The following EPHA6 variants were observed in gnomAD, a reference collection of about 807,000 sequenced individuals.
EPHA6 encodes EPH receptor A6.
Under a neutral mutation model 112.0 loss-of-function variants are expected in EPHA6, and 50 were observed. The observed-to-expected ratio is 0.45, with a 90% CI of 0.36 to 0.56. EPHA6 has a LOEUF of 0.56. Among genes scored for constraint, EPHA6 ranks in the 20% least tolerant of loss-of-function variants. EPHA6 has a pLI of 0.00. For missense variants in EPHA6, 1,280 were observed against 1,417.4 expected (o/e 0.90, Z 1.56); for synonymous variants, 529 against 490.7 (o/e 1.08, Z -1.03).
At chr3:97,014,380 C>T (rs2044196368) in intron 3 of EPHA6, among the ~76,000 whole-genome samples, 1 of 150,964 alleles carries the variant, frequency 6.6e-6, no homozygotes, top group African/African-American at 2.4e-5. Context: ...CTTCATTTCT[C>T]CCTTTTTCTT....
chr3:96,988,943 C>T (rs1576264562), intron 3 of EPHA6, among the ~76,000 whole-genome samples: 1 of 151,396 alleles, frequency 6.6e-6, no homozygotes, highest in East Asian at 1.9e-4. Context: ...TTTTATATAC[C>T]CCCTAATAAA....
At chr3:97,398,629 A>G (rs957697783) in intron 5 of EPHA6, among the ~76,000 whole-genome samples, 3 of 151,472 alleles carry the variant, frequency 2.0e-5, no homozygotes, top group African/African-American at 7.2e-5. Context: ...TATGGTTGCT[A>G]CATAAAGAAC....
chr3:96,944,166 A>G (rs2041129702), intron 2 of EPHA6, among the ~76,000 whole-genome samples: 1 of 151,936 alleles, frequency 6.6e-6, no homozygotes, highest in African/African-American at 2.4e-5. Context: ...TTGTCCCACC[A>G]CTCCACCAAA....
At chr3:96,930,762 T>C (rs572416802) in intron 2 of EPHA6, among the ~76,000 whole-genome samples, 84 of 151,624 alleles carry the variant, frequency 5.5e-4, no homozygotes, top group African/African-American at 1.9e-3. Flanking sequence ...GAGGCTGAGG[T>C]GGGCAGATCA....
chr3:97,224,024 A>G (rs777860656), intron 3 of EPHA6, among the ~76,000 whole-genome samples: 8 of 152,092 alleles, frequency 5.3e-5, no homozygotes, highest in Non-Finnish European at 8.8e-5. Context: ...GATTTCAAAT[A>G]CTTCGAGAAA....
intron 3 of EPHA6, among the ~76,000 whole-genome samples, chr3:97,182,155 A>G (rs16838434): frequency 0.028 from 4,193 of 151,872 alleles, 188 homozygotes; most frequent in African/African-American, 0.092. Flanking sequence ...CACTACATTT[A>G]TTTTTCTCAT....
At chr3:97,186,187 A>G (rs1390369760) in intron 3 of EPHA6, among the ~76,000 whole-genome samples, 1 of 147,520 alleles carries the variant, frequency 6.8e-6, no homozygotes, top group African/African-American at 2.7e-5. Context: ...CGTTGTGCAC[A>G]TGTACCCTAA....
intron 3 of EPHA6, among the ~76,000 whole-genome samples, chr3:97,068,412 A>T (rs2051611869): frequency 6.6e-6 from 1 of 152,084 alleles, no homozygotes; most frequent in South Asian, 2.1e-4. Context: ...AGATGGGACT[A>T]TGATAATGGA....
chr3:97,000,262 AACACAC>A (rs368625563), intron 3 of EPHA6, among the ~76,000 whole-genome samples: 30 of 140,478 alleles, frequency 2.1e-4, no homozygotes, highest in East Asian at 4.2e-4. Flanking sequence ...TGTATGTATA[AACACAC>A]ACACACACAC....
At chr3:96,913,216 C>A (rs1382306031) in intron 2 of EPHA6, among the ~76,000 whole-genome samples, 1 of 128,678 alleles carries the variant, frequency 7.8e-6, no homozygotes, top group Admixed American at 1.1e-4. Flanking sequence ...ACACACACCA[C>A]ACACACGGGC....
intron 13 of EPHA6, among the ~76,000 whole-genome samples, chr3:97,621,074 T>C (rs991128390): frequency 6.6e-6 from 1 of 152,080 alleles, no homozygotes; most frequent in Non-Finnish European, 1.5e-5. Context: ...CATGGAATAC[T>C]ATGCAGTCGT....
Position 97,372,366 on chromosome 3 carries a change from C to A in EPHA6, c.1607-32784C>A, listed in dbSNP as rs547152847. ...TGGGGAGCATGTCAATTTGTACAGT[C>A]CCTTTGGTGAGCAAGTTAATACGAA... On this transcript the variant is annotated intron_variant, in intron 5 of 17. Transcript: ENST00000389672. 2.6e-5 allele frequency among the ~76,000 whole-genome samples: 4 copies of A among 152,238 alleles called. No individual in the cohort carries two copies. In the South Asian group the frequency reaches 6.2e-4, roughly 24 times the overall value.
intron 5 of EPHA6, among the ~76,000 whole-genome samples, chr3:97,327,518 T>A (rs1163000745): frequency 6.6e-6 from 1 of 151,858 alleles, no homozygotes; most frequent in Non-Finnish European, 1.5e-5. Context: ...TATGCTAAGC[T>A]TTATAAAATT....
chr3:96,946,406 T>C (rs1307915201), intron 2 of EPHA6, among the ~76,000 whole-genome samples: 3 of 151,226 alleles, frequency 2.0e-5, no homozygotes, highest in Non-Finnish European at 4.4e-5. Context: ...TTCCCACTTA[T>C]GAGTGAGAAC....
intron 1 of EPHA6, among the ~76,000 whole-genome samples, chr3:96,815,930 C>T (rs1439234170): frequency 6.6e-6 from 1 of 152,196 alleles, no homozygotes; most frequent in Non-Finnish European, 1.5e-5. Context: ...TAGATATTCT[C>T]TCACTCGTGC....
Position 97,753,837 on chromosome 3 carries a change from A to G in EPHA6, c.*5136A>G, listed in dbSNP as rs1479352932. 3.9e-5 allele frequency among the ~76,000 whole-genome samples: 6 copies of G among 151,958 alleles called. No individual in the cohort carries two copies. Among genetic ancestry groups the G allele is most frequent in the Admixed American group, 3.9e-4 (6 of 15,256 alleles). On this transcript the variant is annotated 3_prime_UTR_variant, in exon 18 of 18. Coordinates refer to ENST00000389672, the MANE Select transcript of EPHA6 (RefSeq NM_001080448.3). ...TTGTGTAAAAGTAAACACTCCATCTATTTCTTACTGTTAAAAAAAAAGTAC... is the reference window on the plus strand; with the variant it reads ...TTGTGTAAAAGTAAACACTCCATCTGTTTCTTACTGTTAAAAAAAAAGTAC...
chr3:96,927,101 G>A (rs2040076153), intron 2 of EPHA6, among the ~76,000 whole-genome samples: 1 of 152,148 alleles, frequency 6.6e-6, no homozygotes, highest in Non-Finnish European at 1.5e-5. Flanking sequence ...CTTGACTTTT[G>A]TGCACCCGTA....
chr3:96,983,119 C>T (rs966213003), intron 2 of EPHA6, among the ~76,000 whole-genome samples: 2 of 152,070 alleles, frequency 1.3e-5, no homozygotes, highest in Non-Finnish European at 2.9e-5. Context: ...TTATTTTGCT[C>T]GTTAGTTGAT....
At chr3:97,517,432 T>G (rs1350186295) in intron 10 of EPHA6, among the ~76,000 whole-genome samples, 1 of 152,104 alleles carries the variant, frequency 6.6e-6, no homozygotes, top group Non-Finnish European at 1.5e-5. Flanking sequence ...ATTCTATGAT[T>G]AGACGTCTGG....
Sources: allele counts gnomAD v4.1 joint callset (sites outside exome capture counted in the v4.1 genomes callset), GRCh38; gene constraint gnomAD v4.1.1; transcripts MANE v1.5; gene names NCBI Gene and HGNC (gene_info 2026-07-23, HGNC 2026-07-21).